Variants in DMD observed in about 807,000 individuals in gnomAD.
DMD encodes the protein dystrophin, also known as mutant dystrophin.
DMD carries 63 observed loss-of-function variants against 330.1 expected under a neutral mutation model. The ratio of observed to expected loss-of-function variants is 0.19; its 90% CI spans 0.16 to 0.24. DMD has a LOEUF of 0.24. Among genes scored for constraint, DMD ranks in the 10% least tolerant of loss-of-function variants. The pLI, the probability that DMD is intolerant of heterozygous loss-of-function variation, is 1.00. For missense variants in DMD, 3,344 were observed against 2,684.1 expected, an observed-to-expected ratio of 1.25 and a Z score of -5.43; for synonymous variants, 1,223 against 959.8, an observed-to-expected ratio of 1.27 and a Z score of -5.07.
intron 49 of DMD, among the ~76,000 whole-genome samples, chrX:31,823,711 C>G (rs1329525093): frequency 2.7e-5 from 3 of 110,152 alleles, no homozygotes; most frequent in African/African-American, 9.9e-5. Flanking sequence ...AGTAGCTACT[C>G]AGTACTACTA....
At chrX:31,731,016 G>A (rs1398928100) in intron 51 of DMD, among the ~76,000 whole-genome samples, 1 of 111,867 alleles carries the variant, frequency 8.9e-6, no homozygotes, top group Admixed American at 9.5e-5. Context: ...GAGGTAGGGA[G>A]ACAGGCTTTG....
intron 1 of DMD, among the ~76,000 whole-genome samples, chrX:33,269,609 C>T (rs1456166265): frequency 2.7e-5 from 3 of 111,606 alleles, no homozygotes; most frequent in Non-Finnish European, 5.6e-5. Context: ...TGCCAGGCAC[C>T]TATTACACAG....
chrX:33,169,040 TTTGAATA>T (rs1229251709), intron 1 of DMD, among the ~76,000 whole-genome samples: 1 of 107,931 alleles, frequency 9.3e-6, no homozygotes, highest in Non-Finnish European at 1.9e-5. Flanking sequence ...GCACAAAGTC[TTTGAATA>T]TTTGTTTCTC....
At chrX:32,487,355 T>C (rs1471322968) in intron 20 of DMD, among the ~76,000 whole-genome samples, 2 of 111,050 alleles carry the variant, frequency 1.8e-5, no homozygotes. Context: ...ATGCTGTCTT[T>C]AGAAAAAAAT....
intron 62 of DMD, among the ~76,000 whole-genome samples, chrX:31,287,521 T>G (rs2053317716): frequency 8.9e-6 from 1 of 112,588 alleles, no homozygotes; most frequent in Non-Finnish European, 1.9e-5. Flanking sequence ...GACTAATAAT[T>G]CTTGTCAATG....
At chrX:32,954,694 C>T (rs2091464630) in intron 2 of DMD, among the ~76,000 whole-genome samples, 1 of 110,740 alleles carries the variant, frequency 9.0e-6, no homozygotes, top group Admixed American at 9.7e-5. Flanking sequence ...CCTCCTCCCA[C>T]CCTCCACCCT....
intron 61 of DMD, among the ~76,000 whole-genome samples, chrX:31,329,327 C>T (rs2056966862): frequency 9.0e-6 from 1 of 111,471 alleles, no homozygotes; most frequent in South Asian, 3.8e-4. Context: ...TGCATGTATA[C>T]ACCACATTTT....
At chrX:32,081,857 A>ATAT (rs2096394038) in intron 44 of DMD, among the ~76,000 whole-genome samples, 1 of 105,977 alleles carries the variant, frequency 9.4e-6, no homozygotes, top group Admixed American at 1.0e-4. Flanking sequence ...TCTGTCTAAA[A>ATAT]TAATAATAAT....
At chrX:32,645,818 G>T (rs1426585955) in intron 9 of DMD, among the ~76,000 whole-genome samples, 1 of 112,188 alleles carries the variant, frequency 8.9e-6, no homozygotes, top group African/African-American at 3.2e-5. Context: ...TAATTAGCAG[G>T]ATATTAAGTG....
chrX:33,186,106 T>C (rs2050249584), intron 1 of DMD, among the ~76,000 whole-genome samples: 2 of 111,733 alleles, frequency 1.8e-5, no homozygotes, highest in Admixed American at 1.9e-4. Flanking sequence ...GGGATTAATA[T>C]CAGGGAGTCT....
At chrX:32,695,455 A>G (rs1472743012) in intron 9 of DMD, among the ~76,000 whole-genome samples, 1 of 111,848 alleles carries the variant, frequency 8.9e-6, no homozygotes, top group East Asian at 2.8e-4. Flanking sequence ...ATATTAATAT[A>G]TCATAAATCT....
chrX:32,850,266 T>C (rs962465614), intron 2 of DMD, among the ~76,000 whole-genome samples: 2 of 111,814 alleles, frequency 1.8e-5, no homozygotes, highest in East Asian at 5.7e-4. Flanking sequence ...ACTCAAAACA[T>C]GCTTGCTGTG....
chrX:32,393,838 G>A (rs1228454924), intron 30 of DMD, among the ~76,000 whole-genome samples: 2 of 110,601 alleles, frequency 1.8e-5, no homozygotes, highest in Non-Finnish European at 3.8e-5. Flanking sequence ...GAATGAGAGA[G>A]AGAGGTCAAC....
chrX:31,757,755 A>G (rs1363345506), intron 51 of DMD, among the ~76,000 whole-genome samples: 1 of 109,977 alleles, frequency 9.1e-6, no homozygotes, highest in Non-Finnish European at 1.9e-5. Flanking sequence ...AGGTTTCAAC[A>G]TACACATTTT....
intron 48 of DMD, among the ~76,000 whole-genome samples, chrX:31,842,102 C>G (rs766727841): frequency 9.0e-6 from 1 of 111,730 alleles, no homozygotes; most frequent in African/African-American, 3.2e-5. Context: ...AGGTAAATAT[C>G]AACATTACAA....
At chrX:32,075,984 G>T (rs1229438312) in intron 44 of DMD, among the ~76,000 whole-genome samples, 2 of 99,045 alleles carry the variant, frequency 2.0e-5, no homozygotes, top group Non-Finnish European at 4.0e-5. Flanking sequence ...CGATGGGGAG[G>T]TTGCAGTGAG....
At chrX:33,029,580 C>G (rs1465131456) in intron 1 of DMD, among the ~76,000 whole-genome samples, 2 of 112,066 alleles carry the variant, frequency 1.8e-5, no homozygotes, top group Admixed American at 1.9e-4. Context: ...AATAAAAGTT[C>G]TCTCCCATTC....
chrX:32,792,784 C>CA, intron 7 of DMD, among the ~76,000 whole-genome samples: 1 of 112,101 alleles, frequency 8.9e-6, no homozygotes, highest in East Asian at 2.8e-4. Context: ...AACATACATA[C>CA]ACCCAACACG....
intron 2 of DMD, among the ~76,000 whole-genome samples, chrX:32,900,374 C>A (rs1226637559): frequency 1.8e-5 from 2 of 111,528 alleles, no homozygotes; most frequent in African/African-American, 6.5e-5. Context: ...AGGGCCCTCA[C>A]TCTGTTTCCC....
Sources: allele counts gnomAD v4.1 joint callset (sites outside exome capture counted in the v4.1 genomes callset), GRCh38; gene constraint gnomAD v4.1.1; transcripts MANE v1.5; gene names NCBI Gene and HGNC (gene_info 2026-07-23, HGNC 2026-07-21).